The following C11orf65 variants were observed in gnomAD, a reference collection of about 807,000 sequenced individuals.
The protein encoded by C11orf65 is protein MFI.
C11orf65 carries 38 observed loss-of-function variants against 35.3 expected under a neutral mutation model. That is an observed-to-expected ratio of 1.08 (90% CI 0.83 to 1.41). The LOEUF (loss-of-function observed/expected upper bound fraction) is 1.41. Among genes scored for constraint, C11orf65 ranks in the 40% most tolerant of loss-of-function variants. The pLI is 0.00. For missense variants in C11orf65, 370 were observed against 367.1 expected (o/e 1.01, Z -0.06); for synonymous variants, 105 against 114.4 (o/e 0.92, Z 0.53).
intron 2 of C11orf65, chr11:108,354,030 A>G (rs192289427): frequency 1.5e-6 from 1 of 678,428 alleles, no homozygotes; most frequent in African/African-American, 1.8e-5. Flanking sequence ...AGCCTAGGCA[A>G]TACAGCAAGA....
intron 2 of C11orf65, among the ~76,000 whole-genome samples, chr11:108,339,799 CAG>C (rs1361277779): frequency 6.6e-6 from 1 of 152,054 alleles, no homozygotes; most frequent in Non-Finnish European, 1.5e-5. Flanking sequence ...AGACTTTAGA[CAG>C]AGTACACTAC....
chr11:108,345,045 C>T (rs2088142216), intron 2 of C11orf65, among the ~76,000 whole-genome samples: 1 of 152,056 alleles, frequency 6.6e-6, no homozygotes, highest in Non-Finnish European at 1.5e-5. Flanking sequence ...GTAGCCAGTG[C>T]CTCCCAGTTT....
intron 2 of C11orf65, 83 bp from the exon 3 acceptor site, chr11:108,431,921 G>A (rs1392312868): frequency 4.4e-6 from 3 of 681,912 alleles, no homozygotes; most frequent in African/African-American, 3.6e-5. Context: ...GGGCAAAAAC[G>A]AATAAAGTAC....
At chr11:108,318,454 C>G (rs2084939777) in intron 6 of C11orf65, among the ~76,000 whole-genome samples, 1 of 152,100 alleles carries the variant, frequency 6.6e-6, no homozygotes, top group Admixed American at 6.5e-5. Flanking sequence ...ACTTGGAGAG[C>G]TGAGGCAGAT....
chr11:108,317,312 C>A (rs17107917), intron 6 of C11orf65: 2 of 1,536,530 alleles, frequency 1.3e-6, no homozygotes, highest in Non-Finnish European at 1.8e-6. Flanking sequence ...CTGTTTTTTT[C>A]TCTGGTTTTC....
chr11:108,453,244 A>G (rs1455186188), intron 2 of C11orf65, among the ~76,000 whole-genome samples: 1 of 152,060 alleles, frequency 6.6e-6, no homozygotes, highest in African/African-American at 2.4e-5. Context: ...TCTTTAATCA[A>G]TCAAAATAAC....
chr11:108,396,392 CTCT>C (rs1156579854), intron 6 of C11orf65, among the ~76,000 whole-genome samples: 2 of 152,008 alleles, frequency 1.3e-5, no homozygotes, highest in Non-Finnish European at 2.9e-5. Context: ...TGTGCCTGAC[CTCT>C]TATTTTTCTT....
intron 3 of C11orf65, among the ~76,000 whole-genome samples, chr11:108,414,236 G>A (rs1447471316): frequency 6.6e-6 from 1 of 151,738 alleles, no homozygotes; most frequent in African/African-American, 2.4e-5. Flanking sequence ...TGTCATTTCT[G>A]TCTAATTGAA....
chr11:108,430,924 AC>A lies in C11orf65; in HGVS notation c.174+821del, dbSNP rs2092980272. ...CACACACACACACACACACACACAC[AC>A]ACACACACACACACACACACAGAGG... On this transcript the variant is annotated intron_variant, in intron 3 of 8. Coordinates refer to ENST00000393084, the MANE Select transcript of C11orf65 (RefSeq NM_152587.5). Among the ~76,000 whole-genome samples the A allele has an allele frequency of 3.1e-5, 3 of 98,284 alleles. No individual in the cohort carries two copies. In the South Asian group the frequency reaches 7.4e-4, roughly 24 times the overall value. The allele number at this position is 98,284 out of a possible 152,430, so 64.5% of individuals were successfully genotyped here.
At chr11:108,373,510 G>C (rs1591409104) in intron 2 of C11orf65, among the ~76,000 whole-genome samples, 2 of 152,200 alleles carry the variant, frequency 1.3e-5, no homozygotes, top group East Asian at 3.9e-4. Flanking sequence ...AGCAATAAAA[G>C]ACATACCGTT....
intron 6 of C11orf65, among the ~76,000 whole-genome samples, chr11:108,397,155 T>C (rs1357293856): frequency 1.3e-5 from 2 of 151,444 alleles, no homozygotes; most frequent in Non-Finnish European, 2.9e-5. Context: ...ACCCAGGCCC[T>C]ACTAAAAATA....
intron 3 of C11orf65, among the ~76,000 whole-genome samples, chr11:108,427,956 A>G (rs1035313939): frequency 7.6e-6 from 1 of 132,412 alleles, no homozygotes; most frequent in East Asian, 2.4e-4. Context: ...TCAGCCTCCC[A>G]AGTAGCTGGG....
intron 2 of C11orf65, among the ~76,000 whole-genome samples, chr11:108,347,926 A>G (rs2088654277): frequency 6.6e-6 from 1 of 152,166 alleles, no homozygotes; most frequent in Admixed American, 6.5e-5. Context: ...AAATTAAGGG[A>G]TATTGTAATA....
At chr11:108,393,528 AC>A in intron 6 of C11orf65, 150 bp from the exon 7 acceptor site, 1 of 699,170 alleles carries the variant, frequency 1.4e-6, no homozygotes, top group Non-Finnish European at 2.3e-6. Flanking sequence ...ATGCATCTAA[AC>A]CAAGATCTAT....
chr11:108,373,267 G>A (rs1051241821), intron 2 of C11orf65, among the ~76,000 whole-genome samples: 3 of 152,118 alleles, frequency 2.0e-5, no homozygotes, highest in Non-Finnish European at 4.4e-5. Flanking sequence ...CATGCCAATA[G>A]TGCAGAAAAA....
chr11:108,312,574 A>C, intron 6 of C11orf65: 1 of 1,040,734 alleles, frequency 9.6e-7, no homozygotes, highest in Non-Finnish European at 1.5e-6. Context: ...GACACTGTAC[A>C]GATGCCATGT....
In C11orf65 at chr11:108,418,430, T is replaced by C. The variant is rs1382864799; in HGVS notation, c.175-11281A>G. The stretch of plus-strand genomic sequence containing the variant: ...TAATTTCCAAATTAAATAACTGAAA[T>C]AAAGTAGAAATTTTAAAATATTTTG... On this transcript the variant is annotated intron_variant, in intron 3 of 8. Coordinates refer to ENST00000393084, the MANE Select transcript of C11orf65 (RefSeq NM_152587.5). Among the ~76,000 whole-genome samples, 7 of 151,984 alleles carry C rather than the reference T, an allele frequency of 4.6e-5. No homozygotes were observed. The South Asian group carries it at 1.4e-3, about 31-fold the overall frequency.
At chr11:108,366,330 A>G (rs1340474996) in intron 2 of C11orf65, 4 of 211,950 alleles carry the variant, frequency 1.9e-5, no homozygotes, top group Non-Finnish European at 3.8e-5. Flanking sequence ...CTTCTTTCAG[A>G]AATTGTTTTT....
At chr11:108,312,332 G>A in intron 6 of C11orf65, 1 of 1,096,840 alleles carries the variant, frequency 9.1e-7, no homozygotes, top group Non-Finnish European at 1.4e-6. Flanking sequence ...GTTTTTTTCT[G>A]TCAAAGTCTA....
Sources: gnomAD v4.1 joint callset for allele counts (sites outside exome capture counted in the v4.1 genomes callset) on GRCh38, gnomAD v4.1.1 for gene constraint, MANE v1.5 for transcripts, NCBI Gene and HGNC (gene_info 2026-07-23, HGNC 2026-07-21) for gene names.